Variants in IGF2R observed in about 807,000 individuals in gnomAD.
IGF2R encodes insulin like growth factor 2 receptor.
A neutral mutation model predicts 270.6 loss-of-function variants in IGF2R; 91 were observed. The observed-to-expected ratio is 0.34, with a 90% CI of 0.28 to 0.40. The LOEUF (loss-of-function observed/expected upper bound fraction) is 0.40. Among genes scored for constraint, IGF2R ranks in the 10% least tolerant of loss-of-function variants. The pLI is 1.00. For synonymous variants in IGF2R, 1,316 were observed against 1,258.9 expected (o/e 1.05, Z -0.96); for missense variants, 2,805 against 3,188.3 (o/e 0.88, Z 2.90).
intron 31 of IGF2R, 28 bp from the exon 32 acceptor site, chr6:160,071,882 T>C (rs754728554): frequency 3.7e-6 from 6 of 1,613,856 alleles, no homozygotes; most frequent in South Asian, 3.3e-5. Flanking sequence ...GCGTGATCCC[T>C]TCAGGACCTG....
At chr6:160,059,826 C>T (rs1025529252) in intron 22 of IGF2R, among the ~76,000 whole-genome samples, 3 of 152,260 alleles carry the variant, frequency 2.0e-5, no homozygotes, top group South Asian at 2.1e-4. Context: ...ACTTGCTCCT[C>T]GCTCTGCAAC....
chr6:160,013,450 C>G (rs1041953938), intron 4 of IGF2R, among the ~76,000 whole-genome samples: 3 of 137,070 alleles, frequency 2.2e-5, no homozygotes, highest in African/African-American at 8.0e-5. Context: ...GATCTGTGTT[C>G]TAAATAGTTT....
At position 160,063,455 on chromosome 6, in the gene IGF2R, G is replaced by A; in HGVS notation, c.3711G>A (p.Leu1237=). 6.2e-7 allele frequency: 1 copy of A among 1,612,994 alleles called. No individual in the cohort carries two copies. The highest frequency in any genetic ancestry group is 8.5e-7 in the Non-Finnish European group (1 of 1,180,024). The part of the protein sequence containing the change: ...CEVKDPRHGN[L]YDLKPLGLND... ...TGAAAGACCCAAGGCATGGCAACTTGTATGACCTGAAGCCCCTGGGCCTCA... is the reference window on the plus strand; with the variant it reads ...TGAAAGACCCAAGGCATGGCAACTTATATGACCTGAAGCCCCTGGGCCTCA... The change falls in exon 27 of 48, where the codon TTG becomes TTA. Residue 1237 remains leucine, a synonymous_variant. Coordinates refer to ENST00000356956, the MANE Select transcript of IGF2R (RefSeq NM_000876.4).
At chr6:160,098,413 CA>C (rs1779412074) in intron 45 of IGF2R, among the ~76,000 whole-genome samples, 1 of 152,132 alleles carries the variant, frequency 6.6e-6, no homozygotes. Context: ...AAACCAAGAG[CA>C]AAAACTCAGA....
In IGF2R at chr6:159,969,394, A is replaced by G; in HGVS notation, c.148A>G (p.Ser50Gly). The G allele has an allele frequency of 1.6e-6, 2 of 1,234,154 alleles. No homozygotes were observed. The highest frequency in any genetic ancestry group is 3.3e-5 in the South Asian group (1 of 29,998). The allele number at this position is 1,234,154 out of a possible 1,614,324, so 76.5% of individuals were successfully genotyped here. The change falls in exon 1 of 48, where the codon AGT becomes GGT. Residue 50 changes from serine (S) to glycine (G), a missense_variant and splice_region_variant. By Grantham distance (56) the Ser-to-Gly change is moderately conservative (BLOSUM62 0). Around this residue, in one of 2 missense-constraint regions of IGF2R, gnomAD observed 954 missense variants for 981.1 expected, o/e 0.97. Coordinates refer to ENST00000356956, the MANE Select transcript of IGF2R (RefSeq NM_000876.4). ...AQAAPFPELCSYTWEAVDTKN... is the reference protein window; with the variant it reads ...AQAAPFPELCGYTWEAVDTKN... ...GGCCGCCCCGTTCCCCGAGCTGTGC[A>G]GGTGGGTGGCCCGCCCGGACGCAGG...
At chr6:160,081,080 C>T (rs1235040098) in intron 39 of IGF2R, among the ~76,000 whole-genome samples, 1 of 150,172 alleles carries the variant, frequency 6.7e-6, no homozygotes, top group Non-Finnish European at 1.5e-5. Flanking sequence ...GAGCCGAGAT[C>T]ATGCCACTTC....
intron 2 of IGF2R, among the ~76,000 whole-genome samples, chr6:160,001,609 A>T (rs931008717): frequency 6.6e-6 from 1 of 152,200 alleles, no homozygotes; most frequent in Non-Finnish European, 1.5e-5. Context: ...AAAATTTTTT[A>T]TAGTGAGAAA....
At chr6:160,033,196 G>C in intron 9 of IGF2R, 89 bp downstream of exon 9, 1 of 865,220 alleles carries the variant, frequency 1.2e-6, no homozygotes, top group Non-Finnish European at 1.8e-6. Flanking sequence ...GACTGCAGTG[G>C]TGCAATCTCG....
chr6:159,995,906 T>C (rs1784045980), intron 2 of IGF2R, among the ~76,000 whole-genome samples: 3 of 151,462 alleles, frequency 2.0e-5, no homozygotes. Context: ...TTTTTTTTTT[T>C]TTTTTTTTTA....
chr6:160,077,417 A>G (rs1162575987), intron 36 of IGF2R, among the ~76,000 whole-genome samples: 1 of 152,168 alleles, frequency 6.6e-6, no homozygotes, highest in Non-Finnish European at 1.5e-5. Flanking sequence ...TGTTATCTAC[A>G]CCACCAGCTA....
chr6:160,073,066 G>A, intron 33 of IGF2R, 147 bp from the exon 34 acceptor site: 2 of 1,365,130 alleles, frequency 1.5e-6, no homozygotes, highest in Non-Finnish European at 2.0e-6. Flanking sequence ...AACATTCAAT[G>A]TAAAACAATG....
rs375653220 is a variant in IGF2R at position 160,061,656 on chromosome 6, C to T, written c.3406+10C>T. On this transcript the variant is annotated intron_variant, in intron 24 of 47. Transcript: ENST00000356956. ...ATTCCTGGATGCCAGGGTGAGTTCTCCTTGGTCTCTTGATTGGCGTCTGTT... is the reference window on the plus strand; with the variant it reads ...ATTCCTGGATGCCAGGGTGAGTTCTTCTTGGTCTCTTGATTGGCGTCTGTT... The T allele has an allele frequency of 3.5e-5, 57 of 1,613,986 alleles. No individual in the cohort carries two copies. Among genetic ancestry groups the T allele is most frequent in the Non-Finnish European group, 4.3e-5 (51 of 1,179,994 alleles).
At chr6:160,083,268 A>G (rs1233493036) in intron 39 of IGF2R, among the ~76,000 whole-genome samples, 1 of 152,200 alleles carries the variant, frequency 6.6e-6, no homozygotes, top group Non-Finnish European at 1.5e-5. Context: ...TCCCCACCCA[A>G]ACATCTCAGC....
intron 1 of IGF2R, among the ~76,000 whole-genome samples, chr6:159,986,097 C>T (rs996822336): frequency 6.6e-6 from 1 of 152,122 alleles, no homozygotes; most frequent in Non-Finnish European, 1.5e-5. Context: ...TTGCAGTTCT[C>T]CCCGCTCCTC....
intron 1 of IGF2R, among the ~76,000 whole-genome samples, chr6:159,981,265 G>T (rs116668316): frequency 6.6e-6 from 1 of 151,958 alleles, no homozygotes; most frequent in African/African-American, 2.4e-5. Flanking sequence ...GCGTGAGTGC[G>T]TGTGTGAGTG....
chr6:160,096,687 A>G (rs1208129490), intron 45 of IGF2R, 62 bp downstream of exon 45: 1 of 1,321,338 alleles, frequency 7.6e-7, no homozygotes, highest in Non-Finnish European at 1.0e-6. Context: ...GAATAAGTGT[A>G]TGTGTGTTTT....
At chr6:160,036,423 G>T (rs988472022) in intron 10 of IGF2R, among the ~76,000 whole-genome samples, 3 of 152,110 alleles carry the variant, frequency 2.0e-5, no homozygotes, top group Non-Finnish European at 4.4e-5. Flanking sequence ...CCTGACCTTG[G>T]TTCTGGCTCC....
At chr6:160,070,548 G>C (rs1381174822) in intron 31 of IGF2R, among the ~76,000 whole-genome samples, 1 of 152,182 alleles carries the variant, frequency 6.6e-6, no homozygotes, top group Non-Finnish European at 1.5e-5. Flanking sequence ...GGAAGTGCCA[G>C]GTGTCATTTC....
chr6:160,086,577 A>G (rs902790984), intron 41 of IGF2R, among the ~76,000 whole-genome samples: 1 of 152,152 alleles, frequency 6.6e-6, no homozygotes, highest in Non-Finnish European at 1.5e-5. Flanking sequence ...CCCAATCAGT[A>G]AGGGCTGTCT....
Sources: gnomAD v4.1 joint callset for allele counts (sites outside exome capture counted in the v4.1 genomes callset) on GRCh38, gnomAD v4.1.1 for gene constraint, gnomAD v4.1.1 regional missense constraint, MANE v1.5 for transcripts, NCBI Gene and HGNC (gene_info 2026-07-23, HGNC 2026-07-21) for gene names.